The following RYR2 variants were observed in gnomAD, a reference collection of about 807,000 sequenced individuals.
RYR2 encodes ryanodine receptor 2.
RYR2 carries 227 observed loss-of-function variants against 601.1 expected under a neutral mutation model. The ratio of observed to expected loss-of-function variants is 0.38; its 90% CI spans 0.34 to 0.42. The LOEUF (loss-of-function observed/expected upper bound fraction) is 0.42. Ranked by LOEUF, RYR2 falls within the 10% of genes least tolerant of loss-of-function variation. The pLI, the probability that RYR2 is intolerant of heterozygous loss-of-function variation, is 1.00. For synonymous variants in RYR2, 2,223 were observed against 2,175.1 expected (o/e 1.02, Z -0.61); for missense variants, 4,646 against 6,156.5 (o/e 0.75, Z 8.21).
Position 237,819,023 on chromosome 1 carries a change from G to C in RYR2, c.14434-13G>C, listed in dbSNP as rs1197470515. ...ATGTCCCTCCAAGAAGTGATACCATGTCTTTTTTCCAGTGCTATATGTTCC... is the reference window on the plus strand; with the variant it reads ...ATGTCCCTCCAAGAAGTGATACCATCTCTTTTTTCCAGTGCTATATGTTCC... On this transcript the variant is annotated splice_polypyrimidine_tract_variant and intron_variant, in intron 100 of 104. Coordinates refer to ENST00000366574, the MANE Select transcript of RYR2 (RefSeq NM_001035.3). The surrounding 1 kb of genome is among the most constrained non-coding windows in gnomAD (Gnocchi z 4.0). 7 of 1,602,026 alleles carry C rather than the reference G, an allele frequency of 4.4e-6. No individual in the cohort carries two copies. The highest frequency in any genetic ancestry group is 6.0e-6 in the Non-Finnish European group (7 of 1,171,002).
intron 5 of RYR2, among the ~76,000 whole-genome samples, chr1:237,368,196 C>G (rs964386344): frequency 6.6e-6 from 1 of 152,066 alleles, no homozygotes; most frequent in African/African-American, 2.4e-5. Context: ...GTCACATGTA[C>G]ATAAAATATG....
intron 98 of RYR2, among the ~76,000 whole-genome samples, chr1:237,805,184 T>C (rs1660477398): frequency 6.6e-6 from 1 of 152,190 alleles, no homozygotes; most frequent in Non-Finnish European, 1.5e-5. Flanking sequence ...CCTGAAACAC[T>C]TTAAAACTGT....
intron 29 of RYR2, among the ~76,000 whole-genome samples, chr1:237,580,950 A>G (rs1256677938): frequency 6.6e-6 from 1 of 152,194 alleles, no homozygotes; most frequent in Non-Finnish European, 1.5e-5. Flanking sequence ...GTGAGATCAC[A>G]CATTTCTGTG....
intron 86 of RYR2, 64 bp downstream of exon 86, chr1:237,772,164 G>A (rs944261960): frequency 3.9e-5 from 33 of 844,296 alleles, no homozygotes; most frequent in Non-Finnish European, 5.3e-5. Context: ...ATACGGCAGA[G>A]TTTTAATGTG....
At chr1:237,674,636 T>A in intron 59 of RYR2, 95 bp from the exon 60 acceptor site, 1 of 594,888 alleles carries the variant, frequency 1.7e-6, no homozygotes, top group Non-Finnish European at 3.0e-6. Flanking sequence ...AACATATATG[T>A]ATGTATATAC....
chr1:237,728,409 T>C (rs1690380136), intron 76 of RYR2, among the ~76,000 whole-genome samples: 1 of 152,072 alleles, frequency 6.6e-6, no homozygotes, highest in South Asian at 2.1e-4. Flanking sequence ...GAAATACCAT[T>C]TAACCCAGCA....
At chr1:237,521,943 G>A (rs1667129072) in intron 24 of RYR2, among the ~76,000 whole-genome samples, 2 of 151,912 alleles carry the variant, frequency 1.3e-5, no homozygotes, top group African/African-American at 4.8e-5. Flanking sequence ...TCCACCACAA[G>A]ATCTTCCACA....
intron 29 of RYR2, among the ~76,000 whole-genome samples, chr1:237,585,706 T>C (rs1379070672): frequency 6.6e-6 from 1 of 152,196 alleles, no homozygotes; most frequent in Non-Finnish European, 1.5e-5. Flanking sequence ...TCCTGTTAAG[T>C]TCTGCTTCAC....
chr1:237,248,081 G>A (rs1265599688), intron 1 of RYR2, among the ~76,000 whole-genome samples: 1 of 152,076 alleles, frequency 6.6e-6, no homozygotes, highest in Non-Finnish European at 1.5e-5. Flanking sequence ...AGCCCAGCCT[G>A]GGTAACATGG....
chr1:237,730,835 A>T (rs1410593758), intron 77 of RYR2, among the ~76,000 whole-genome samples: 1 of 152,148 alleles, frequency 6.6e-6, no homozygotes, highest in Non-Finnish European at 1.5e-5. Context: ...TAGAATTTTC[A>T]CCAGACTGTG....
chr1:237,785,847 G>A lies in RYR2; in HGVS notation c.13261-122G>A, dbSNP rs117613944. The stretch of plus-strand genomic sequence containing the variant: ...ATGAAAAACACGTGGCGCTTTTATC[G>A]TGGTATAAGCAAGAGGGTATCTTAT... On this transcript the variant is annotated intron_variant, in intron 90 of 104. Coordinates refer to ENST00000366574, the MANE Select transcript of RYR2 (RefSeq NM_001035.3). 5.1e-4 allele frequency: 369 copies of A among 716,672 alleles called. 1 individual carries two copies. The East Asian group carries it at 7.8e-3, about 15-fold the overall frequency. The allele number at this position is 716,672 out of a possible 1,614,324, so 44.4% of individuals were successfully genotyped here.
In RYR2 at chr1:237,233,526, A is replaced by G. The variant is rs112263849; in HGVS notation, c.49-36971A>G. 9.2e-4 allele frequency among the ~76,000 whole-genome samples: 140 copies of G among 151,880 alleles called. 1 individual carries two copies. Among genetic ancestry groups the G allele is most frequent in the African/African-American group, 3.3e-3 (137 of 41,398 alleles). ...ATGGACCCTTTTTAGGTGACTTTTT[A>G]TACTCTGTTTTTCTTGAGTGAATTC... On this transcript the variant is annotated intron_variant, in intron 1 of 104. Transcript: ENST00000366574.
chr1:237,761,802 G>A (rs1163493423), intron 84 of RYR2, among the ~76,000 whole-genome samples: 1 of 152,000 alleles, frequency 6.6e-6, no homozygotes, highest in Non-Finnish European at 1.5e-5. Flanking sequence ...GGCCCCGTAT[G>A]TTTATCTGTT....
At chr1:237,211,085 C>T (rs1185815129) in intron 1 of RYR2, among the ~76,000 whole-genome samples, 5 of 152,150 alleles carry the variant, frequency 3.3e-5, no homozygotes, top group East Asian at 1.9e-4. Context: ...CCCTGGATAC[C>T]GCTTAGGTTA....
At position 237,591,631 on chromosome 1, in the gene RYR2, G is replaced by C. The variant is rs1030910990; in HGVS notation, c.4161-108G>C. The stretch of plus-strand genomic sequence containing the variant: ...TCAGATATTCCCAGATGTCCCCCAG[G>C]GAGCAAAATCGCCCAGGTTTAAGGC... On this transcript the variant is annotated intron_variant, in intron 31 of 104. Transcript: ENST00000366574. 1.8e-5 allele frequency: 15 copies of C among 840,930 alleles called. No homozygotes were observed. In the African/African-American group the frequency reaches 2.5e-4, roughly 14 times the overall value. 52.1% of individuals were successfully genotyped at this position (840,930 alleles called of 1,614,324 possible).
At chr1:237,058,324 T>C (rs978465833) in intron 1 of RYR2, among the ~76,000 whole-genome samples, 3 of 152,192 alleles carry the variant, frequency 2.0e-5, no homozygotes, top group African/African-American at 7.2e-5. Context: ...CTAAGAAAAT[T>C]CCAGTAATTT....
chr1:237,053,363 G>A (rs560555407), intron 1 of RYR2, among the ~76,000 whole-genome samples: 13 of 152,306 alleles, frequency 8.5e-5, no homozygotes, highest in East Asian at 1.9e-4. Context: ...TCAGAGAAGC[G>A]TAAAAACTTC....
intron 17 of RYR2, among the ~76,000 whole-genome samples, chr1:237,479,432 G>T (rs1026743459): frequency 1.3e-5 from 2 of 152,210 alleles, no homozygotes; most frequent in East Asian, 1.9e-4. Flanking sequence ...GGAATGATGC[G>T]CTTGGTTTGT....
rs139565382 is a variant in RYR2, at chr1:237,812,383, C to T, written c.14433+3348C>T. ...ACCTTTCTAGAAATTCTGCTAAGCT[C>T]GTTCTTTTTTCTGGGATCCTCCAAG... On this transcript the variant is annotated intron_variant, in intron 100 of 104. Coordinates refer to ENST00000366574, the MANE Select transcript of RYR2 (RefSeq NM_001035.3). 6.4e-3 allele frequency among the ~76,000 whole-genome samples: 980 copies of T among 152,242 alleles called. 11 individuals carry two copies. The highest frequency in any genetic ancestry group is 0.02 in the Middle Eastern group (6 of 294).
Sources: allele counts gnomAD v4.1 joint callset (sites outside exome capture counted in the v4.1 genomes callset), GRCh38; gene constraint gnomAD v4.1.1; non-coding constraint Gnocchi (gnomAD v3.1); transcripts MANE v1.5; gene names NCBI Gene and HGNC (gene_info 2026-07-23, HGNC 2026-07-21).